BICDL2: variants seen among roughly 807,000 people sequenced by gnomAD.
BICDL2 encodes BICD family-like cargo adapter 2.
In BICDL2, 62 loss-of-function variants were observed where a neutral mutation model predicts 56.6. That is an observed-to-expected ratio of 1.10 (90% confidence interval 0.89 to 1.35). The LOEUF (loss-of-function observed/expected upper bound fraction) is 1.35. Among genes scored for constraint, BICDL2 ranks in the 40% most tolerant of loss-of-function variants. The pLI, the probability that BICDL2 is intolerant of heterozygous loss-of-function variation, is 0.00. For missense variants in BICDL2, 808 were observed against 684.5 expected (o/e 1.18, Z -2.01); for synonymous variants, 358 against 319.8 (o/e 1.12, Z -1.27).
intron 2 of BICDL2, among the ~76,000 whole-genome samples, chr16:3,033,259 C>T (rs927515420): frequency 2.6e-5 from 4 of 151,992 alleles, no homozygotes; most frequent in Non-Finnish European, 5.9e-5. Context: ...GAGCCAAGAT[C>T]GCACCACTGC....
chr16:3,035,176 T>TTGGGGGGGGGGGGGGGGGGGGGGGGGGG, intron 2 of BICDL2, 39 bp downstream of exon 2: 5 of 136,272 alleles, frequency 3.7e-5, no homozygotes, highest in East Asian at 1.4e-4. Context: ...CGTCCTCCCC[T>TTGGGGGGGGGGGGGGGGGGGGGGGGGGG]GCCCACCCAC....
chr16:3,029,858 C>T (rs1314713797), intron 5 of BICDL2, 119 bp from the exon 6 acceptor site: 7 of 865,178 alleles, frequency 8.1e-6, no homozygotes, highest in Non-Finnish European at 1.2e-5. Context: ...GCGGCCCAGG[C>T]TGTTCCCGTT....
intron 2 of BICDL2, among the ~76,000 whole-genome samples, chr16:3,034,051 G>A (rs1596484604): frequency 6.6e-6 from 1 of 152,164 alleles, no homozygotes; most frequent in Admixed American, 6.5e-5. Flanking sequence ...CCCAGAGCAA[G>A]AAGTGGGCCA....
At chr16:3,035,134 G>A in intron 2 of BICDL2, 81 bp downstream of exon 2, 1 of 1,268,260 alleles carries the variant, frequency 7.9e-7, no homozygotes, top group Non-Finnish European at 1.1e-6. Context: ...TCCCTTGCCT[G>A]ACTCCCTTCC....
Position 3,030,984 on chromosome 16 carries a change from A to C in BICDL2, c.449T>G (p.Leu150Arg). Residue 150 changes from leucine to arginine, a missense_variant, in exon 3 of 10, where the codon CTC becomes CGC. By Grantham distance (102) the Leu-to-Arg change is moderately radical. Coordinates refer to ENST00000572449, the MANE Select transcript of BICDL2 (RefSeq NM_001369667.1). Reference protein sequence around the residue: ...QDSGRERARALSELSEQNLRL... With the variant: ...QDSGRERARARSELSEQNLRL... ...GAGGTTCTGCTCGCTGAGCTCGCTG[A>C]GGGCCCGTGCCCGTTCTCGCCCACT... 6.4e-7 allele frequency: 1 copy of C among 1,553,760 alleles called. No homozygotes were observed. Among genetic ancestry groups the C allele is most frequent in the Non-Finnish European group, 8.7e-7 (1 of 1,155,846 alleles).
chr16:3,035,181 A>ACCCCCCCCCCCCCCCCCCCCCCC, intron 2 of BICDL2, 34 bp downstream of exon 2: 1 of 34,310 alleles, frequency 2.9e-5, no homozygotes. Flanking sequence ...TCCCCTGCCC[A>ACCCCCCCCCCCCCCCCCCCCCCC]CCCACCCACC....
chr16:3,027,834 C>G lies in BICDL2; in HGVS notation c.*272G>C. ...CTGTCCGATCTTGATACATAAATAC[C>G]CAGCCCCATCCCTGCCCTAGAAAAG... is the stretch of plus-strand genomic sequence containing the variant. On this transcript the variant is annotated 3_prime_UTR_variant, in exon 10 of 10. Transcript: ENST00000572449. 1 of 832,944 alleles carries G rather than the reference C, an allele frequency of 1.2e-6. No individual in the cohort carries two copies. Among genetic ancestry groups the G allele is most frequent in the Non-Finnish European group, 1.8e-6 (1 of 560,024 alleles). The allele number at this position is 832,944 out of a possible 1,614,324, so 51.6% of individuals were successfully genotyped here.
chr16:3,034,278 C>G (rs1016215508), intron 2 of BICDL2, among the ~76,000 whole-genome samples: 6 of 152,056 alleles, frequency 3.9e-5, no homozygotes, highest in African/African-American at 1.4e-4. Flanking sequence ...GGTCTGAACC[C>G]AGTTTGTTTT....
chr16:3,031,642 G>A, intron 2 of BICDL2: 2 of 403,420 alleles, frequency 5.0e-6, no homozygotes, highest in East Asian at 3.6e-5. Flanking sequence ...GCGGGGGAAT[G>A]CCCTGGCACA....
At chr16:3,035,176 T>TTGGCCGGGGGGGGGGGGGGGGGG in intron 2 of BICDL2, 39 bp downstream of exon 2, 9 of 136,274 alleles carry the variant, frequency 6.6e-5, no homozygotes, top group South Asian at 2.0e-4. Context: ...CGTCCTCCCC[T>TTGGCCGGGGGGGGGGGGGGGGGG]GCCCACCCAC....
intron 2 of BICDL2, 39 bp downstream of exon 2, chr16:3,035,176 T>TGGGGGGGGGGGGGGGGGGGGGGGGGG: frequency 1.5e-5 from 2 of 136,272 alleles, no homozygotes; most frequent in East Asian, 2.8e-4. Flanking sequence ...CGTCCTCCCC[T>TGGGGGGGGGGGGGGGGGGGGGGGGGG]GCCCACCCAC....
At chr16:3,029,199 C>T in intron 7 of BICDL2, 81 bp downstream of exon 7, 3 of 1,529,324 alleles carry the variant, frequency 2.0e-6, no homozygotes, top group Non-Finnish European at 2.6e-6. Context: ...GCTTAGTGGG[C>T]AAAGGCTGGG....
At chr16:3,036,693 C>T in intron 1 of BICDL2, 1 of 448,668 alleles carries the variant, frequency 2.2e-6, no homozygotes, top group South Asian at 1.6e-5. Flanking sequence ...GTGTTGGGGC[C>T]TCCAGCCCCA....
In BICDL2 at chr16:3,027,726, TACAA is replaced by T; in HGVS notation, c.*376_*379del. On this transcript the variant is annotated 3_prime_UTR_variant, in exon 10 of 10. Coordinates refer to ENST00000572449, the MANE Select transcript of BICDL2 (RefSeq NM_001369667.1). The stretch of plus-strand genomic sequence containing the variant: ...TTCATTTTCTTTTTTTTTTTTTTTT[TACAA>T]TAAAGTTTCAGGCTTTTTTACCATG... The T allele has an allele frequency of 8.9e-7, 1 of 1,121,410 alleles. No homozygotes were observed. The highest frequency in any genetic ancestry group is 1.3e-6 in the Non-Finnish European group (1 of 796,862). 69.5% of individuals were successfully genotyped at this position (1,121,410 alleles called of 1,614,324 possible).
At position 3,031,083 on chromosome 16, in the gene BICDL2, C is replaced by T. The variant is rs1012973984; in HGVS notation, c.350G>A (p.Arg117Gln). ...CACGTCCCCCTCCAGCTCCACGGCC[C>T]GGGCCTCCCACTCGGCTCCTCGGGC... Reference protein sequence around the residue: ...LAARGAEWEARAVELEGDVEA... With the variant: ...LAARGAEWEAQAVELEGDVEA... The change falls in exon 3 of 10, where the codon CGG becomes CAG. Residue 117 changes from arginine to glutamine, a missense_variant. Transcript: ENST00000572449. The T allele has an allele frequency of 7.2e-6, 11 of 1,536,822 alleles. No individual in the cohort carries two copies. The highest frequency in any genetic ancestry group is 3.6e-5 in the South Asian group (3 of 84,022).
rs571598278 is a variant in BICDL2 at position 3,032,033 on chromosome 16, G to A, written c.283-883C>T. 319 of 152,422 alleles carry A rather than the reference G, an allele frequency of 2.1e-3. 1 individual carries two copies. Among genetic ancestry groups the A allele is most frequent in the Non-Finnish European group, 4.0e-3 (270 of 68,076 alleles). The allele number at this position is 152,422 out of a possible 1,614,324, so 9.4% of individuals were successfully genotyped here. On this transcript the variant is annotated intron_variant, in intron 2 of 9. Coordinates refer to ENST00000572449, the MANE Select transcript of BICDL2 (RefSeq NM_001369667.1). The stretch of plus-strand genomic sequence containing the variant: ...GGCAATGTCCGCCTCCCAAGTTCAA[G>A]AGATTCTCCTGCCTCAGCCTCCCAA...
In BICDL2 at chr16:3,028,644, G is replaced by A. The variant is rs909205611; in HGVS notation, c.1238+56C>T. 28 of 1,539,782 alleles carry A rather than the reference G, an allele frequency of 1.8e-5. 1 individual carries two copies. The South Asian group carries it at 1.9e-4, about 11-fold the overall frequency. On this transcript the variant is annotated intron_variant, in intron 8 of 9. Coordinates refer to ENST00000572449, the MANE Select transcript of BICDL2 (RefSeq NM_001369667.1). ...ATAACCCGTATCAGAAGAGGAATCA[G>A]GAGCCCAGGAGGGCCCAGAGGGCGC...
In BICDL2 at chr16:3,030,614, G is replaced by C. The variant is rs575476054; in HGVS notation, c.616-19C>G. 3.1e-4 allele frequency: 499 copies of C among 1,596,176 alleles called. No homozygotes were observed. The highest frequency in any genetic ancestry group is 6.0e-5 in the Non-Finnish European group (70 of 1,174,566). ...TCTGGTTCTGGGGAAAGGCCTGAGA[G>C]CTGGGGACAGGGGCAGCCCCTCCCA... On this transcript the variant is annotated intron_variant, in intron 4 of 9. Coordinates refer to ENST00000572449, the MANE Select transcript of BICDL2 (RefSeq NM_001369667.1).
chr16:3,034,468 G>A (rs879556958), intron 2 of BICDL2, among the ~76,000 whole-genome samples: 6 of 152,028 alleles, frequency 3.9e-5, no homozygotes, highest in Non-Finnish European at 7.4e-5. Context: ...TTTTAGTAGA[G>A]ACGGGGTTTC....
Sources: allele counts gnomAD v4.1 joint callset (sites outside exome capture counted in the v4.1 genomes callset), GRCh38; gene constraint gnomAD v4.1.1; transcripts MANE v1.5; gene names NCBI Gene and HGNC (gene_info 2026-07-23, HGNC 2026-07-21).